The following STK33 variants were observed in gnomAD, a reference collection of about 807,000 sequenced individuals.
The protein encoded by STK33 is serine/threonine-protein kinase 33.
STK33 carries 52 observed loss-of-function variants against 58.0 expected under a neutral mutation model. The ratio of observed to expected loss-of-function variants is 0.90; its 90% CI spans 0.72 to 1.13. The LOEUF (loss-of-function observed/expected upper bound fraction) is 1.13, where lower values mean the gene tolerates loss of function less well. Among genes scored for constraint, STK33 ranks in the 50% most tolerant of loss-of-function variants. The pLI is 0.00. For missense variants in STK33, 630 were observed against 604.2 expected (o/e 1.04, Z -0.45); for synonymous variants, 215 against 200.1 (o/e 1.07, Z -0.63).
At chr11:8,462,184 A>G (rs1024649769) in intron 7 of STK33, among the ~76,000 whole-genome samples, 1 of 152,128 alleles carries the variant, frequency 6.6e-6, no homozygotes, top group Non-Finnish European at 1.5e-5. Flanking sequence ...TCTATAACTT[A>G]GCTACAACAT....
the STK33 span, among the ~76,000 whole-genome samples, chr11:8,373,403 G>A: frequency 6.6e-6 from 1 of 152,086 alleles, no homozygotes; most frequent in Non-Finnish European, 1.5e-5. Context: ...GATAGGACAC[G>A]TCAGCCTCTA....
intron 12 of STK33, among the ~76,000 whole-genome samples, chr11:8,438,084 C>T (rs1166418224): frequency 6.6e-6 from 1 of 152,180 alleles, no homozygotes; most frequent in African/African-American, 2.4e-5. Flanking sequence ...TATGCACATC[C>T]ACCAATTTCT....
intron 1 of STK33, among the ~76,000 whole-genome samples, chr11:8,561,801 T>A (rs1027633336): frequency 6.6e-6 from 1 of 152,226 alleles, no homozygotes; most frequent in African/African-American, 2.4e-5. Flanking sequence ...CATATAACTT[T>A]AGGAAATGTA....
chr11:8,462,587 C>A (rs904924750), intron 7 of STK33, among the ~76,000 whole-genome samples: 1 of 151,090 alleles, frequency 6.6e-6, no homozygotes, highest in South Asian at 2.1e-4. Context: ...GGGAGAGAGA[C>A]GGAAAGAGAG....
chr11:8,586,793 C>CAG (rs1231141523), intron 1 of STK33, among the ~76,000 whole-genome samples: 1 of 144,742 alleles, frequency 6.9e-6, no homozygotes, highest in Admixed American at 7.0e-5. Flanking sequence ...CACTGCACTC[C>CAG]AGCCTGGGTG....
At chr11:8,470,300 G>A (rs1445076905) in intron 6 of STK33, among the ~76,000 whole-genome samples, 3 of 152,096 alleles carry the variant, frequency 2.0e-5, no homozygotes, top group Non-Finnish European at 4.4e-5. Flanking sequence ...TAAACCTCCT[G>A]AACCAATCTG....
intron 14 of STK33, among the ~76,000 whole-genome samples, chr11:8,419,057 T>TTGTAC (rs1203710424): frequency 2.0e-5 from 3 of 152,164 alleles, no homozygotes; most frequent in African/African-American, 7.2e-5. Flanking sequence ...TGATAGTTTC[T>TTGTAC]TGTACTGTAC....
At chr11:8,407,645 T>C (rs1005537872) in intron 15 of STK33, among the ~76,000 whole-genome samples, 1 of 151,350 alleles carries the variant, frequency 6.6e-6, no homozygotes, top group African/African-American at 2.4e-5. Context: ...AGCCTGAAGA[T>C]AGATCAATAG....
At chr11:8,518,917 C>A (rs1314008837) in intron 1 of STK33, among the ~76,000 whole-genome samples, 1 of 152,144 alleles carries the variant, frequency 6.6e-6, no homozygotes, top group Non-Finnish European at 1.5e-5. Flanking sequence ...CCACTGTCAA[C>A]ATTAGTCAGA....
chr11:8,496,699 C>T (rs925489314), intron 1 of STK33, among the ~76,000 whole-genome samples: 2 of 151,826 alleles, frequency 1.3e-5, no homozygotes, highest in Non-Finnish European at 2.9e-5. Flanking sequence ...CTCAGCCTCC[C>T]GAGTAGCTGG....
At chr11:8,468,975 G>A (rs190510625) in intron 6 of STK33, among the ~76,000 whole-genome samples, 140 of 152,198 alleles carry the variant, frequency 9.2e-4, no homozygotes, top group African/African-American at 2.5e-3. Context: ...AAAAAAATGC[G>A]AACAAACATA....
At chr11:8,489,795 T>C (rs560942038) in intron 1 of STK33, among the ~76,000 whole-genome samples, 1 of 152,300 alleles carries the variant, frequency 6.6e-6, no homozygotes, top group Admixed American at 6.5e-5. Flanking sequence ...ATTCTGGAGT[T>C]AAAAAGCATA....
At chr11:8,458,972 A>G (rs923963486) in intron 8 of STK33, among the ~76,000 whole-genome samples, 2 of 152,204 alleles carry the variant, frequency 1.3e-5, no homozygotes, top group African/African-American at 4.8e-5. Flanking sequence ...TAGAATTTCA[A>G]AAGTAACTGC....
At chr11:8,390,640 T>C (rs1848607743), downstream of STK33, among the ~76,000 whole-genome samples, 1 of 152,060 alleles carries the variant, frequency 6.6e-6, no homozygotes, top group Non-Finnish European at 1.5e-5. Flanking sequence ...CTCCTACAAA[T>C]CAAATGAACA....
intron 8 of STK33, among the ~76,000 whole-genome samples, chr11:8,461,422 TTTGA>T (rs1243681393): frequency 1.3e-5 from 2 of 152,140 alleles, no homozygotes; most frequent in African/African-American, 4.8e-5. Context: ...CCCATACCAA[TTTGA>T]TTATGTAGTT....
At chr11:8,590,983 T>G (rs2032498662) in intron 1 of STK33, among the ~76,000 whole-genome samples, 1 of 152,240 alleles carries the variant, frequency 6.6e-6, no homozygotes, top group Admixed American at 6.5e-5. Flanking sequence ...TATAGGTGTT[T>G]GAAGTACTAC....
the STK33 span, among the ~76,000 whole-genome samples, chr11:8,359,023 C>A: frequency 6.6e-6 from 1 of 152,164 alleles, no homozygotes; most frequent in Non-Finnish European, 1.5e-5. Context: ...GCACAGCCTG[C>A]GTTGACCCTT....
intron 1 of STK33, among the ~76,000 whole-genome samples, chr11:8,581,778 G>A (rs952482863): frequency 1.1e-4 from 16 of 152,188 alleles, no homozygotes; most frequent in South Asian, 1.0e-3. Flanking sequence ...CTTCTTTCAC[G>A]GAACGTGTAT....
chr11:8,549,065 C>CA (rs919363653), intron 1 of STK33, among the ~76,000 whole-genome samples: 1 of 152,114 alleles, frequency 6.6e-6, no homozygotes, highest in African/African-American at 2.4e-5. Context: ...AAGACTCCAC[C>CA]AAAAAACTGT....
Sources: allele counts gnomAD v4.1 joint callset (sites outside exome capture counted in the v4.1 genomes callset), GRCh38; gene constraint gnomAD v4.1.1; transcripts MANE v1.5; gene names NCBI Gene and HGNC (gene_info 2026-07-23, HGNC 2026-07-21).